GLRA2: variants seen among roughly 807,000 people sequenced by gnomAD.
The protein encoded by GLRA2 is glycine receptor subunit alpha-2.
GLRA2 carries 11 observed loss-of-function variants against 31.6 expected under a neutral mutation model. That is an observed-to-expected ratio of 0.35 (90% CI 0.22 to 0.58). The LOEUF (loss-of-function observed/expected upper bound fraction) is 0.58. Among genes scored for constraint, GLRA2 ranks in the 20% least tolerant of loss-of-function variants. The probability of loss-of-function intolerance (pLI) is 0.84; values close to 1 mark genes in which losing one functional copy is unlikely to be tolerated. For synonymous variants in GLRA2, 132 were observed against 134.0 expected, an observed-to-expected ratio of 0.99 and a Z score of 0.10; for missense variants, 212 against 351.8, an observed-to-expected ratio of 0.60 and a Z score of 3.18.
chrX:14,615,632 C>T (rs1261493726), intron 7 of GLRA2, among the ~76,000 whole-genome samples: 2 of 110,721 alleles, frequency 1.8e-5, no homozygotes, highest in African/African-American at 6.6e-5. Flanking sequence ...TGAGCTGAAT[C>T]TACGAGGCAT....
At chrX:14,718,630 A>G (rs1193144332) in intron 8 of GLRA2, among the ~76,000 whole-genome samples, 2 of 111,960 alleles carry the variant, frequency 1.8e-5, no homozygotes, top group African/African-American at 6.5e-5. Context: ...TCATCTGTAG[A>G]CTTGTTTGTC....
intron 6 of GLRA2, among the ~76,000 whole-genome samples, chrX:14,608,075 TCCAACAG>T (rs1000185251): frequency 7.2e-5 from 8 of 111,525 alleles, no homozygotes; most frequent in African/African-American, 2.6e-4. Flanking sequence ...GCACACTTGT[TCCAACAG>T]CCAACAGTGA....
the GLRA2 span, among the ~76,000 whole-genome samples, chrX:14,493,693 GTATA>G: frequency 1.4e-5 from 1 of 72,257 alleles, no homozygotes; most frequent in Non-Finnish European, 2.3e-5. Flanking sequence ...ACATATACAC[GTATA>G]TATGTATACA....
At chrX:14,620,981 C>T (rs2090508202) in intron 7 of GLRA2, among the ~76,000 whole-genome samples, 1 of 111,560 alleles carries the variant, frequency 9.0e-6, no homozygotes, top group East Asian at 2.8e-4. Flanking sequence ...TGACATGGGG[C>T]TTAGTGATCA....
chrX:14,670,307 C>T (rs781580600), intron 7 of GLRA2, among the ~76,000 whole-genome samples: 17 of 111,758 alleles, frequency 1.5e-4, no homozygotes, highest in Non-Finnish European at 2.8e-4. Context: ...GTCTTCTGAG[C>T]CCTCCAAACT....
At chrX:14,602,375 GTTT>G (rs2090285904) in intron 4 of GLRA2, among the ~76,000 whole-genome samples, 1 of 109,829 alleles carries the variant, frequency 9.1e-6, no homozygotes, top group African/African-American at 3.3e-5. Flanking sequence ...TTGTTTGTTT[GTTT>G]GTTTGTTTGT....
chrX:14,526,059 G>T (rs1207453897), upstream of GLRA2, among the ~76,000 whole-genome samples: 1 of 112,128 alleles, frequency 8.9e-6, no homozygotes, highest in Non-Finnish European at 1.9e-5. Flanking sequence ...GTCAGAGTTG[G>T]AGAGCACTAT....
the GLRA2 span, among the ~76,000 whole-genome samples, chrX:14,469,518 A>C: frequency 2.0e-4 from 22 of 108,226 alleles, no homozygotes; most frequent in Non-Finnish European, 3.3e-4. Context: ...TGCAGCCATA[A>C]AAAAGGATGA....
the GLRA2 span, among the ~76,000 whole-genome samples, chrX:14,501,362 C>T: frequency 8.9e-6 from 1 of 112,131 alleles, no homozygotes; most frequent in Non-Finnish European, 1.9e-5. Context: ...GATCCATCTC[C>T]TATTGTCTTA....
At chrX:14,698,431 C>G (rs1337128458) in intron 8 of GLRA2, among the ~76,000 whole-genome samples, 1 of 109,571 alleles carries the variant, frequency 9.1e-6, no homozygotes, top group Non-Finnish European at 1.9e-5. Flanking sequence ...GTAATCCCAG[C>G]ACTTTGGGAG....
chrX:14,572,776 C>A (rs1178426486), intron 2 of GLRA2, among the ~76,000 whole-genome samples: 2 of 111,829 alleles, frequency 1.8e-5, no homozygotes, highest in South Asian at 7.4e-4. Flanking sequence ...AATCACATTT[C>A]AAAAGGTAGA....
intron 1 of GLRA2, among the ~76,000 whole-genome samples, chrX:14,531,660 T>C (rs2089257679): frequency 9.0e-6 from 1 of 111,324 alleles, no homozygotes; most frequent in African/African-American, 3.3e-5. Context: ...GTTGACCTAT[T>C]TTAAAAAGAA....
intron 7 of GLRA2, among the ~76,000 whole-genome samples, chrX:14,622,853 A>G (rs1273397504): frequency 8.9e-6 from 1 of 111,848 alleles, no homozygotes; most frequent in Non-Finnish European, 1.9e-5. Flanking sequence ...TTTTGGTTCC[A>G]TATGAACTTT....
At chrX:14,465,017 T>C in the GLRA2 span, among the ~76,000 whole-genome samples, 1 of 112,162 alleles carries the variant, frequency 8.9e-6, no homozygotes, top group Non-Finnish European at 1.9e-5. Flanking sequence ...TTAGGATGTT[T>C]TTCTATTTCT....
intron 8 of GLRA2, among the ~76,000 whole-genome samples, chrX:14,692,725 C>G (rs1384247010): frequency 9.0e-6 from 1 of 111,271 alleles, no homozygotes; most frequent in Non-Finnish European, 1.9e-5. Flanking sequence ...TCTCCTAGAC[C>G]AAAGATGGAA....
intron 7 of GLRA2, among the ~76,000 whole-genome samples, chrX:14,659,271 T>G (rs996684469): frequency 1.8e-5 from 2 of 112,257 alleles, no homozygotes; most frequent in African/African-American, 6.5e-5. Flanking sequence ...TATGGCTTTT[T>G]ACAGAAAGTT....
intron 7 of GLRA2, among the ~76,000 whole-genome samples, chrX:14,689,392 A>T (rs990457031): frequency 4.4e-5 from 5 of 112,667 alleles, no homozygotes; most frequent in Admixed American, 9.4e-5. Context: ...AGAAATTATG[A>T]TCTAGAAGAA....
intron 7 of GLRA2, among the ~76,000 whole-genome samples, chrX:14,632,168 A>G (rs1231367816): frequency 9.3e-6 from 1 of 107,397 alleles, no homozygotes; most frequent in Admixed American, 1.0e-4. Flanking sequence ...CCTTTCAGGG[A>G]TCACTGCCCT....
At position 14,683,498 on chromosome X, in the gene GLRA2, G is replaced by T. The variant is rs760100771; in HGVS notation, c.931-7212G>T. 8.1e-5 allele frequency among the ~76,000 whole-genome samples: 9 copies of T among 111,013 alleles called. No homozygotes were observed. In the South Asian group the frequency reaches 2.3e-3, roughly 29 times the overall value. On this transcript the variant is annotated intron_variant, in intron 7 of 8. Coordinates refer to ENST00000218075, the MANE Select transcript of GLRA2 (RefSeq NM_002063.4). ...AAAATTTTCTCCCATTCTGTAGGTT[G>T]CCTGTTCACTCTGATGGTAGTTTCT...
Sources: allele counts gnomAD v4.1 joint callset (sites outside exome capture counted in the v4.1 genomes callset), GRCh38; gene constraint gnomAD v4.1.1; transcripts MANE v1.5; gene names NCBI Gene and HGNC (gene_info 2026-07-23, HGNC 2026-07-21).